Variants in SORCS1 observed in about 807,000 individuals in gnomAD.
SORCS1 encodes sortilin related VPS10 domain containing receptor 1.
In SORCS1, 60 loss-of-function variants were observed where a neutral mutation model predicts 146.1. The observed-to-expected ratio is 0.41, with a 90% CI of 0.33 to 0.51. The LOEUF is 0.51. Among genes scored for constraint, SORCS1 ranks in the 20% least tolerant of loss-of-function variants. SORCS1 has a pLI of 0.21. For missense variants in SORCS1, 1,352 were observed against 1,487.6 expected (o/e 0.91, Z 1.50); for synonymous variants, 637 against 584.0 (o/e 1.09, Z -1.31).
chr10:106,679,193 A>T, intron 12 of SORCS1, 63 bp downstream of exon 12: 5 of 1,343,752 alleles, frequency 3.7e-6, no homozygotes, highest in Non-Finnish European at 4.2e-6. Context: ...CCAGATTTGA[A>T]CCAAGCTGGG....
chr10:107,073,409 A>T (rs573768741), intron 1 of SORCS1, among the ~76,000 whole-genome samples: 8 of 152,266 alleles, frequency 5.3e-5, no homozygotes, highest in African/African-American at 1.7e-4. Context: ...AGATATGGCC[A>T]CTGCCCTCAA....
chr10:107,116,824 A>T (rs1840847516), intron 1 of SORCS1, among the ~76,000 whole-genome samples: 1 of 152,236 alleles, frequency 6.6e-6, no homozygotes, highest in Admixed American at 6.5e-5. Context: ...TTGAGTATAT[A>T]TGATTTTTAT....
intron 5 of SORCS1, among the ~76,000 whole-genome samples, chr10:106,758,548 G>C (rs1858834760): frequency 1.3e-5 from 2 of 152,232 alleles, no homozygotes; most frequent in African/African-American, 4.8e-5. Flanking sequence ...AAACTAGGGG[G>C]ACAACATTCA....
intron 1 of SORCS1, among the ~76,000 whole-genome samples, chr10:107,104,086 A>T (rs1048872211): frequency 1.3e-5 from 2 of 150,974 alleles, no homozygotes; most frequent in African/African-American, 4.8e-5. Flanking sequence ...TGCCGGTGCA[A>T]CTGACAAATT....
intron 3 of SORCS1, among the ~76,000 whole-genome samples, chr10:106,815,193 G>A (rs989667363): frequency 3.3e-5 from 5 of 151,984 alleles, no homozygotes; most frequent in Non-Finnish European, 7.4e-5. Context: ...TCCTGACCTC[G>A]TGATCCACCC....
intron 1 of SORCS1, among the ~76,000 whole-genome samples, chr10:106,988,520 T>A (rs1333621087): frequency 6.6e-6 from 1 of 151,914 alleles, no homozygotes; most frequent in Non-Finnish European, 1.5e-5. Context: ...AGCTACTGGG[T>A]CAAAAAGTGA....
intron 1 of SORCS1, among the ~76,000 whole-genome samples, chr10:107,106,283 C>A (rs539841835): frequency 3.3e-5 from 5 of 152,260 alleles, no homozygotes; most frequent in Admixed American, 2.0e-4. Flanking sequence ...AGTAATCATG[C>A]GATAAGTTAA....
intron 1 of SORCS1, among the ~76,000 whole-genome samples, chr10:106,990,267 C>T (rs992368177): frequency 1.3e-5 from 2 of 152,002 alleles, no homozygotes; most frequent in South Asian, 2.1e-4. Context: ...AAGTCTACTG[C>T]TATTTCAAAT....
At chr10:107,140,111 A>G (rs891111899) in intron 1 of SORCS1, among the ~76,000 whole-genome samples, 1 of 152,194 alleles carries the variant, frequency 6.6e-6, no homozygotes, top group Non-Finnish European at 1.5e-5. Flanking sequence ...CTCCATCTTG[A>G]CCTCACAGCC....
intron 1 of SORCS1, chr10:106,970,107 G>T (rs1218272752): frequency 6.6e-6 from 1 of 152,384 alleles, no homozygotes. Flanking sequence ...ACTTGGATGG[G>T]AGAAAGTCAA....
At chr10:106,590,900 C>G (rs540980874) in intron 24 of SORCS1, among the ~76,000 whole-genome samples, 114 of 152,266 alleles carry the variant, frequency 7.5e-4, no homozygotes, top group African/African-American at 2.7e-3. Context: ...GGTGATCCAC[C>G]CACCTCATGC....
intron 1 of SORCS1, among the ~76,000 whole-genome samples, chr10:106,971,381 T>C (rs561827038): frequency 2.6e-5 from 4 of 152,332 alleles, no homozygotes; most frequent in African/African-American, 4.8e-5. Flanking sequence ...TGTGGTTATA[T>C]TGATGATGGA....
In SORCS1 at chr10:107,060,515, G is replaced by A. The variant is rs1961088517; in HGVS notation, c.558+103454C>T. ...TCTCTGCACTCTGTTCAGACAGGAT[G>A]GTTCAGTCCTCATATTTCCCAACAT... On this transcript the variant is annotated intron_variant, in intron 1 of 25. Coordinates refer to ENST00000263054, the MANE Select transcript of SORCS1 (RefSeq NM_052918.5). This position sits in a 1 kb window ranked among gnomAD's most constrained non-coding sequence, Gnocchi z 4.1. Among the ~76,000 whole-genome samples, 1 of 152,174 alleles carries A rather than the reference G, an allele frequency of 6.6e-6. No homozygotes were observed. Among genetic ancestry groups the A allele is most frequent in the Admixed American group, 6.5e-5 (1 of 15,274 alleles).
chr10:106,753,680 T>C (rs1858425920), intron 5 of SORCS1, among the ~76,000 whole-genome samples: 1 of 146,512 alleles, frequency 6.8e-6, no homozygotes, highest in Admixed American at 6.9e-5. Flanking sequence ...AGGCCAGGTA[T>C]ATTAAAAAAA....
chr10:107,020,644 T>C lies in SORCS1; in HGVS notation c.559-64064A>G, dbSNP rs192112491. On this transcript the variant is annotated intron_variant, in intron 1 of 25. Coordinates refer to ENST00000263054, the MANE Select transcript of SORCS1 (RefSeq NM_052918.5). Reference sequence around the variant, plus strand: ...CAAGCCCTCATGCAGTGTGGGAAAATAAATGGGCTGAATTTGTGTGTCCTG... The same window carrying C: ...CAAGCCCTCATGCAGTGTGGGAAAACAAATGGGCTGAATTTGTGTGTCCTG... Among the ~76,000 whole-genome samples the C allele has an allele frequency of 7.0e-3, 1,068 of 152,288 alleles. 3 individuals are homozygous for C. Among genetic ancestry groups the C allele is most frequent in the Non-Finnish European group, 0.011 (723 of 68,012 alleles).
intron 3 of SORCS1, among the ~76,000 whole-genome samples, chr10:106,801,842 A>C (rs1019882850): frequency 3.9e-5 from 6 of 152,094 alleles, no homozygotes; most frequent in African/African-American, 1.4e-4. Flanking sequence ...TATAGACGAC[A>C]GTTTACAGAT....
intron 20 of SORCS1, 195 bp downstream of exon 20, chr10:106,620,232 GA>G: frequency 1.8e-6 from 1 of 549,148 alleles, no homozygotes; most frequent in Middle Eastern, 4.0e-4. Flanking sequence ...ATGAAATGCA[GA>G]AGGTGGAGAG....
chr10:106,974,543 C>G (rs532390477), intron 1 of SORCS1, among the ~76,000 whole-genome samples: 1 of 152,274 alleles, frequency 6.6e-6, no homozygotes, highest in Non-Finnish European at 1.5e-5. Flanking sequence ...AACAAGAGAT[C>G]CACAAGGATG....
intron 1 of SORCS1, among the ~76,000 whole-genome samples, chr10:106,981,378 CTTTT>C (rs1245959137): frequency 6.6e-6 from 1 of 152,156 alleles, no homozygotes; most frequent in Non-Finnish European, 1.5e-5. Context: ...GCACCTGGCT[CTTTT>C]TTGAGGTTAA....
Sources: allele counts gnomAD v4.1 joint callset (sites outside exome capture counted in the v4.1 genomes callset), GRCh38; gene constraint gnomAD v4.1.1; non-coding constraint Gnocchi (gnomAD v3.1); transcripts MANE v1.5; gene names NCBI Gene and HGNC (gene_info 2026-07-23, HGNC 2026-07-21).